Variants in TSPAN14 observed in about 807,000 individuals in gnomAD.
TSPAN14 encodes tetraspanin-14.
Under a neutral mutation model 36.6 loss-of-function variants are expected in TSPAN14, and 16 were observed. The ratio of observed to expected loss-of-function variants is 0.44; its 90% CI spans 0.30 to 0.66. The LOEUF is 0.66. Ranked by LOEUF, TSPAN14 falls within the 30% of genes least tolerant of loss-of-function variation. TSPAN14 has a pLI of 0.12. For synonymous variants in TSPAN14, 139 were observed against 143.8 expected (o/e 0.97, Z 0.24); for missense variants, 231 against 355.1 (o/e 0.65, Z 2.81).
At chr10:80,504,568 G>T (rs1840184039) in intron 2 of TSPAN14, among the ~76,000 whole-genome samples, 160 bp from the exon 3 acceptor site, 1 of 152,232 alleles carries the variant, frequency 6.6e-6, no homozygotes, top group South Asian at 2.1e-4. Context: ...ATTCAGGAAG[G>T]TAGGTTCAGG....
chr10:80,500,749 G>A (rs78696822), intron 2 of TSPAN14, among the ~76,000 whole-genome samples: 1 of 152,220 alleles, frequency 6.6e-6, no homozygotes, highest in Non-Finnish European at 1.5e-5. Flanking sequence ...TTTCCCTGGG[G>A]GCCTTGAGAA....
rs189079306 is a variant in TSPAN14, at chr10:80,513,520, A to T, written c.577-499A>T. Among the ~76,000 whole-genome samples, 53 of 152,344 alleles carry T rather than the reference A, an allele frequency of 3.5e-4. 1 individual carries two copies. Among genetic ancestry groups the T allele is most frequent in the East Asian group, 9.6e-4 (5 of 5,188 alleles). ...TACCAGTCTTGTAAGTGTTGCTTTT[A>T]GCACATATAGTTCTTACCTCCAAGT... On this transcript the variant is annotated intron_variant, in intron 6 of 8. Coordinates refer to ENST00000429989, the Ensembl canonical transcript of TSPAN14.
At chr10:80,496,272 T>C (rs940563345) in intron 2 of TSPAN14, among the ~76,000 whole-genome samples, 10 of 152,224 alleles carry the variant, frequency 6.6e-5, no homozygotes, top group African/African-American at 2.4e-4. Flanking sequence ...CACTGATTTT[T>C]AGATTTTTTT....
intron 4 of TSPAN14, 115 bp downstream of exon 4, chr10:80,507,489 G>T: frequency 6.9e-7 from 1 of 1,447,576 alleles, no homozygotes; most frequent in Non-Finnish European, 9.4e-7. Context: ...GCCTCCCCTA[G>T]GCCCCTGCCT....
chr10:80,513,979 G>A (rs889491601), intron 6 of TSPAN14, 40 bp from the exon 7 acceptor site: 1 of 1,602,808 alleles, frequency 6.2e-7, no homozygotes, highest in Non-Finnish European at 8.5e-7. Context: ...CCAGCTTCTT[G>A]AGACGCCAGA....
intron 1 of TSPAN14, among the ~76,000 whole-genome samples, chr10:80,462,347 A>AATGGGGTGGGGTGGGATGGG (rs1361538552): frequency 1.7e-4 from 20 of 115,430 alleles, no homozygotes; most frequent in African/African-American, 8.7e-4. Flanking sequence ...AGGGCGTAGG[A>AATGGGGTGGGGTGGGATGGG]ATGGGGTGGG....
chr10:80,497,419 G>A (rs7902097), intron 2 of TSPAN14, among the ~76,000 whole-genome samples: 9,427 of 152,262 alleles, frequency 0.062, 973 homozygotes, highest in African/African-American at 0.21. Context: ...TTGGAACACA[G>A]CCACACCCAT....
chr10:80,509,543 G>A lies in TSPAN14; in HGVS notation c.450+72G>A, dbSNP rs1340872092. 57 of 1,524,166 alleles carry A rather than the reference G, an allele frequency of 3.7e-5. No individual in the cohort carries two copies. The South Asian group carries it at 6.9e-4, about 18-fold the overall frequency. 94.4% of individuals were successfully genotyped at this position (1,524,166 alleles called of 1,614,324 possible). A position where few individuals can be genotyped will look rare whatever the true frequency, so the allele number is the denominator to read the frequency against. On this transcript the variant is annotated intron_variant, in intron 5 of 8. Coordinates refer to ENST00000429989, the Ensembl canonical transcript of TSPAN14. This position sits in a 1 kb window ranked among gnomAD's most constrained non-coding sequence, Gnocchi z 4.7. ...TGCTGCCTGGAGCTGAGTCTAGCAG[G>A]GGCATCAGGCCTTCTCTGTGGGTTG... is the stretch of plus-strand genomic sequence containing the variant.
rs1840473798 is a variant in TSPAN14 at position 80,509,279 on chromosome 10, C to T, written c.280-22C>T. The T allele has an allele frequency of 2.5e-6, 4 of 1,608,328 alleles. No homozygotes were observed. Among genetic ancestry groups the T allele is most frequent in the Non-Finnish European group, 3.4e-6 (4 of 1,177,416 alleles). On this transcript the variant is annotated intron_variant, in intron 4 of 8. Transcript: ENST00000429989. The surrounding 1 kb of genome is among the most constrained non-coding windows in gnomAD (Gnocchi z 4.7). ...CAGGCTGGTGGGGTGGTGACTTCTG[C>T]TCCCGTCCCCTTCCCCTGCAGTTCT... is the stretch of plus-strand genomic sequence containing the variant.
intron 2 of TSPAN14, among the ~76,000 whole-genome samples, chr10:80,490,237 G>A (rs769171080): frequency 1.5e-4 from 23 of 152,176 alleles, no homozygotes; most frequent in East Asian, 3.8e-4. Context: ...TTATCTCATA[G>A]CCAGCCTCAG....
intron 1 of TSPAN14, among the ~76,000 whole-genome samples, chr10:80,483,911 CAAAAAAAAAAAAAAAAA>C (rs57795678): frequency 3.7e-3 from 61 of 16,538 alleles, no homozygotes; most frequent in Admixed American, 5.6e-3. Context: ...ACTCTTGTCT[CAAAAAAAAAAAAAAAAA>C]AAAAAAAAAA....
chr10:80,475,869 G>A (rs1332639010), intron 1 of TSPAN14, among the ~76,000 whole-genome samples: 1 of 152,010 alleles, frequency 6.6e-6, no homozygotes, highest in East Asian at 1.9e-4. Context: ...ACAGGCATGA[G>A]CCGTGGTGCC....
intron 2 of TSPAN14, among the ~76,000 whole-genome samples, chr10:80,493,879 C>A (rs117047445): frequency 1.3e-5 from 2 of 152,158 alleles, no homozygotes; most frequent in African/African-American, 2.4e-5. Context: ...TTATACCCCC[C>A]ACTGGTTCCA....
chr10:80,488,062 C>T (rs536950790), intron 1 of TSPAN14, among the ~76,000 whole-genome samples: 63 of 152,280 alleles, frequency 4.1e-4, no homozygotes, highest in East Asian at 1.9e-4. Context: ...GTGGGTGGGT[C>T]GCCTCCTCAC....
At chr10:80,476,409 G>GTTTTTT (rs60589813) in intron 1 of TSPAN14, among the ~76,000 whole-genome samples, 5 of 85,046 alleles carry the variant, frequency 5.9e-5, no homozygotes, top group African/African-American at 8.5e-5. Flanking sequence ...TTGTTTTACT[G>GTTTTTT]TTTTTTTTTT....
intron 2 of TSPAN14, 120 bp from the exon 3 acceptor site, chr10:80,504,608 C>T (rs984932250): frequency 3.5e-6 from 4 of 1,156,822 alleles, no homozygotes; most frequent in Non-Finnish European, 5.1e-6. Flanking sequence ...CCTGAGGGGC[C>T]ATGTGGGATG....
chr10:80,480,273 A>C (rs1054213007), intron 1 of TSPAN14, among the ~76,000 whole-genome samples: 7 of 151,856 alleles, frequency 4.6e-5, no homozygotes, highest in African/African-American at 1.5e-4. Context: ...TTCCTAATTG[A>C]ATACCCTTTA....
intron 1 of TSPAN14, among the ~76,000 whole-genome samples, chr10:80,467,532 C>CTGTAA (rs1846309009): frequency 6.6e-6 from 1 of 152,160 alleles, no homozygotes; most frequent in South Asian, 2.1e-4. Context: ...AACATTTTAG[C>CTGTAA]TGTAACCCTT....
intron 7 of TSPAN14, 189 bp from the exon 8 acceptor site, chr10:80,516,015 C>T (rs1564748262): frequency 1.3e-6 from 1 of 770,480 alleles, no homozygotes; most frequent in Non-Finnish European, 2.0e-6. Flanking sequence ...GGTGCGATGG[C>T]ACAGTGCCCA....
Sources: allele counts gnomAD v4.1 joint callset (sites outside exome capture counted in the v4.1 genomes callset), GRCh38; gene constraint gnomAD v4.1.1; non-coding constraint Gnocchi (gnomAD v3.1); transcripts MANE v1.5; gene names NCBI Gene and HGNC (gene_info 2026-07-23, HGNC 2026-07-21).